The following SFMBT2 variants were observed in gnomAD, a reference collection of about 807,000 sequenced individuals.
SFMBT2 encodes Scm like with four mbt domains 2.
Under a neutral mutation model 110.1 loss-of-function variants are expected in SFMBT2, and 38 were observed. The observed-to-expected ratio is 0.35, with a 90% CI of 0.27 to 0.45. SFMBT2 has a LOEUF of 0.45. SFMBT2 is among the 20% of genes least tolerant of loss of function. The probability of loss-of-function intolerance (pLI) is 1.00; values close to 1 mark genes in which losing one functional copy is unlikely to be tolerated. For synonymous variants in SFMBT2, 425 were observed against 425.4 expected, an observed-to-expected ratio of 1.00 and a Z score of 0.01; for missense variants, 1,011 against 1,094.9, an observed-to-expected ratio of 0.92 and a Z score of 1.08.
At chr10:7,211,950 C>T (rs1027230609) in intron 11 of SFMBT2, among the ~76,000 whole-genome samples, 2 of 152,096 alleles carry the variant, frequency 1.3e-5, no homozygotes, top group Non-Finnish European at 1.5e-5. Flanking sequence ...CCTAAACATA[C>T]AAGGTGGGCT....
chr10:7,403,366 G>A (rs1846131714), intron 1 of SFMBT2, among the ~76,000 whole-genome samples: 1 of 152,210 alleles, frequency 6.6e-6, no homozygotes, highest in Non-Finnish European at 1.5e-5. Flanking sequence ...GGCAAGACCA[G>A]GCATGGTTGC....
At chr10:7,385,106 T>C (rs2255142) in intron 1 of SFMBT2, among the ~76,000 whole-genome samples, 142,387 of 152,246 alleles carry the variant, frequency 0.94, 66,641 homozygotes, top group East Asian at 1. Flanking sequence ...TGAGGCACTC[T>C]GTAAACAAAC....
intron 16 of SFMBT2, among the ~76,000 whole-genome samples, chr10:7,184,717 G>C (rs1838344533): frequency 6.6e-6 from 1 of 152,122 alleles, no homozygotes. Context: ...TCACCCTTAT[G>C]AGACCTTTTA....
At chr10:7,368,259 T>A in intron 3 of SFMBT2, 5 of 819,572 alleles carry the variant, frequency 6.1e-6, no homozygotes, top group Non-Finnish European at 7.4e-6. Flanking sequence ...AGAGCACATC[T>A]GAATGTGGAC....
rs145762865 is a variant in SFMBT2 at position 7,172,814 on chromosome 10, G to A, written c.1985-153C>T. ...CTGAGAAAACAGACCCACAGGAGAA[G>A]CACTGCTCCAAAGCTTCAGGTCTGG... On this transcript the variant is annotated intron_variant, in intron 17 of 20. Coordinates refer to ENST00000397167, the MANE Select transcript of SFMBT2 (RefSeq NM_001387889.1). This position sits in a 1 kb window ranked among gnomAD's most constrained non-coding sequence, Gnocchi z 4.6. 9.2e-5 allele frequency among the ~76,000 whole-genome samples: 14 copies of A among 152,346 alleles called. No homozygotes were observed. The East Asian group carries it at 2.5e-3, about 27-fold the overall frequency.
intron 20 of SFMBT2, among the ~76,000 whole-genome samples, chr10:7,169,325 T>C (rs973019995): frequency 1.3e-5 from 2 of 152,278 alleles, no homozygotes; most frequent in African/African-American, 2.4e-5. Flanking sequence ...TGGTTGTCAA[T>C]AGGATGAACT....
chr10:7,205,048 G>T, intron 12 of SFMBT2: 1 of 462,044 alleles, frequency 2.2e-6, no homozygotes, highest in Non-Finnish European at 2.8e-6. Context: ...AAATATCAGT[G>T]ATTAGTTAGT....
chr10:7,223,560 T>C (rs1228139288), intron 10 of SFMBT2, among the ~76,000 whole-genome samples: 1 of 152,192 alleles, frequency 6.6e-6, no homozygotes, highest in African/African-American at 2.4e-5. Flanking sequence ...TCAGACAAAA[T>C]AATTTCTATT....
chr10:7,292,060 T>C (rs1324606889), intron 4 of SFMBT2, among the ~76,000 whole-genome samples: 1 of 152,194 alleles, frequency 6.6e-6, no homozygotes, highest in Non-Finnish European at 1.5e-5. Flanking sequence ...CTGGTGGCCT[T>C]TAAGTTCTTT....
intron 4 of SFMBT2, among the ~76,000 whole-genome samples, chr10:7,352,278 G>A (rs1185101761): frequency 6.6e-6 from 1 of 152,178 alleles, no homozygotes; most frequent in Non-Finnish European, 1.5e-5. Flanking sequence ...TCAGTGCCTG[G>A]CTCTTGGAAG....
intron 7 of SFMBT2, among the ~76,000 whole-genome samples, chr10:7,266,762 T>C (rs539310700): frequency 1.5e-4 from 23 of 152,284 alleles, no homozygotes; most frequent in Non-Finnish European, 2.8e-4. Context: ...GATGGTGGCC[T>C]GGACTTGGGC....
intron 4 of SFMBT2, among the ~76,000 whole-genome samples, chr10:7,366,396 C>G (rs11255091): frequency 0.059 from 8,638 of 146,828 alleles, 833 homozygotes; most frequent in African/African-American, 0.2. Flanking sequence ...AAACCACAGG[C>G]TATTCCAAAT....
chr10:7,252,616 A>G (rs895704143), intron 7 of SFMBT2, among the ~76,000 whole-genome samples: 1 of 152,234 alleles, frequency 6.6e-6, no homozygotes, highest in African/African-American at 2.4e-5. Flanking sequence ...AAATAGCATG[A>G]CATTAAAATA....
chr10:7,215,800 T>C, intron 11 of SFMBT2: 2 of 889,708 alleles, frequency 2.2e-6, no homozygotes, highest in Non-Finnish European at 2.7e-6. Context: ...GAGGGTCTAC[T>C]AGGGATGGCT....
At chr10:7,281,671 G>A (rs561741876) in intron 6 of SFMBT2, among the ~76,000 whole-genome samples, 5 of 152,176 alleles carry the variant, frequency 3.3e-5, no homozygotes, top group African/African-American at 2.4e-5. Flanking sequence ...TCTGCTGAAT[G>A]ATGTAGCAGA....
chr10:7,221,597 A>G (rs1214519176), intron 10 of SFMBT2, among the ~76,000 whole-genome samples: 2 of 150,720 alleles, frequency 1.3e-5, no homozygotes, highest in Non-Finnish European at 1.5e-5. Context: ...AGATTTTTTC[A>G]TAATAGTGTA....
intron 7 of SFMBT2, among the ~76,000 whole-genome samples, chr10:7,269,699 A>G (rs1046605484): frequency 6.7e-6 from 1 of 148,436 alleles, no homozygotes; most frequent in Non-Finnish European, 1.5e-5. Flanking sequence ...AGAGAAAAAA[A>G]GCAAGTAAGT....
At chr10:7,248,427 G>C in intron 8 of SFMBT2, 121 bp downstream of exon 8, 2 of 782,090 alleles carry the variant, frequency 2.6e-6, no homozygotes, top group Non-Finnish European at 4.2e-6. Flanking sequence ...ATCTTCCTTA[G>C]CTTCGCCTGG....
chr10:7,395,701 CT>C (rs34293825), intron 1 of SFMBT2, among the ~76,000 whole-genome samples: 7,664 of 135,448 alleles, frequency 0.057, 274 homozygotes, highest in Admixed American at 0.11. Flanking sequence ...TCTAAAAGCT[CT>C]TTTTTTTTTT....
Sources: allele counts gnomAD v4.1 joint callset (sites outside exome capture counted in the v4.1 genomes callset), GRCh38; gene constraint gnomAD v4.1.1; non-coding constraint Gnocchi (gnomAD v3.1); transcripts MANE v1.5; gene names NCBI Gene and HGNC (gene_info 2026-07-23, HGNC 2026-07-21).